PCDHA1: variants seen among roughly 807,000 people sequenced by gnomAD.
The protein encoded by PCDHA1 is protocadherin alpha 1.
A neutral mutation model predicts 61.3 loss-of-function variants in PCDHA1; 42 were observed. The observed-to-expected ratio is 0.69, with a 90% confidence interval of 0.54 to 0.89. The LOEUF (loss-of-function observed/expected upper bound fraction) is 0.89. Ranked by LOEUF, PCDHA1 falls within the 40% of genes least tolerant of loss-of-function variation. The probability of loss-of-function intolerance (pLI) is 0.00; values close to 1 mark genes in which losing one functional copy is unlikely to be tolerated. For synonymous variants in PCDHA1, 610 were observed against 553.8 expected, an observed-to-expected ratio of 1.10 and a Z score of -1.43; for missense variants, 1,256 against 1,235.3, an observed-to-expected ratio of 1.02 and a Z score of -0.25.
rs1440009442 is a variant in PCDHA1, at chr5:140,964,448, A to G, written c.2395-14501A>G. Among the ~76,000 whole-genome samples the G allele has an allele frequency of 3.3e-5, 5 of 152,212 alleles. No homozygotes were observed. The South Asian group carries it at 8.3e-4, about 25-fold the overall frequency. On this transcript the variant is annotated intron_variant, in intron 1 of 3. Transcript: ENST00000504120. ...AAAATTACCAAGCCTCTGCCACTGT[A>G]ATCTCTTCCTTAAGTGCCTATGATT...
chr5:140,822,417 T>G lies in PCDHA1; in HGVS notation c.2394+33733T>G, dbSNP rs17844289. On this transcript the variant is annotated intron_variant, in intron 1 of 3. Transcript: ENST00000504120. Reference sequence around the variant, plus strand: ...AACACCGTTTATTAGTGATTGCAACTGATGGAGGAAAACCCGAACTAACAG... The same window carrying G: ...AACACCGTTTATTAGTGATTGCAACGGATGGAGGAAAACCCGAACTAACAG... 216 of 1,614,062 alleles carry G rather than the reference T, an allele frequency of 1.3e-4. 3 individuals carry two copies. The East Asian group carries it at 4.7e-3, about 35-fold the overall frequency.
intron 1 of PCDHA1, chr5:140,876,999 G>C: frequency 6.2e-7 from 1 of 1,612,546 alleles, no homozygotes; most frequent in Non-Finnish European, 8.5e-7. Flanking sequence ...GCTACGTGTC[G>C]GTGCACGCGG....
At chr5:140,802,410 T>C (rs1554122105) in intron 1 of PCDHA1, 1 of 1,614,228 alleles carries the variant, frequency 6.2e-7, no homozygotes, top group Non-Finnish European at 8.5e-7. Context: ...CAAGAATTAC[T>C]ACTCATTGGT....
chr5:140,966,928 C>T (rs782034487), intron 1 of PCDHA1: 1 of 1,603,332 alleles, frequency 6.2e-7, no homozygotes, highest in South Asian at 1.1e-5. Context: ...AGCAGGCACC[C>T]GGCGCGCTCG....
At chr5:140,979,257 C>T (rs1454477008) in intron 2 of PCDHA1, among the ~76,000 whole-genome samples, 1 of 152,194 alleles carries the variant, frequency 6.6e-6, no homozygotes, top group Non-Finnish European at 1.5e-5. Flanking sequence ...TATGTATTTT[C>T]TCCCATCAAA....
intron 1 of PCDHA1, among the ~76,000 whole-genome samples, chr5:140,831,552 G>T (rs2150196212): frequency 7.2e-6 from 1 of 139,216 alleles, no homozygotes; most frequent in Non-Finnish European, 1.5e-5. Flanking sequence ...TTTAAGAGAT[G>T]GGGTTTCTCC....
intron 1 of PCDHA1, chr5:140,883,969 G>T (rs1398092888): frequency 5.6e-6 from 9 of 1,612,844 alleles, no homozygotes; most frequent in Non-Finnish European, 7.6e-6. Flanking sequence ...CGCTGCTGAC[G>T]CCCGGGGCTG....
intron 1 of PCDHA1, chr5:140,805,770 T>C (rs1489324802): frequency 9.7e-6 from 2 of 206,952 alleles, no homozygotes; most frequent in African/African-American, 4.7e-5. Context: ...ATTGGGGAAA[T>C]GTCTAGAGAC....
chr5:140,858,347 C>T lies in PCDHA1; in HGVS notation c.2394+69663C>T. ...TGGGGAGGGCCTGCCCAAGGCGGAC[C>T]TCATGGCCTTCAGCCCCAGCCTTCC... On this transcript the variant is annotated intron_variant, in intron 1 of 3. Transcript: ENST00000504120. 3 of 1,594,932 alleles carry T rather than the reference C, an allele frequency of 1.9e-6. No individual in the cohort carries two copies. The East Asian group carries it at 6.7e-5, about 36-fold the overall frequency.
chr5:140,853,458 T>C (rs17119248), intron 1 of PCDHA1: 56,285 of 974,400 alleles, frequency 0.058, 6,090 homozygotes, highest in Middle Eastern at 0.078. Context: ...GGTCTCCTTA[T>C]ATGCATCTGT....
At chr5:140,806,343 G>T (rs1763720284) in intron 1 of PCDHA1, among the ~76,000 whole-genome samples, 1 of 152,200 alleles carries the variant, frequency 6.6e-6, no homozygotes, top group Admixed American at 6.5e-5. Flanking sequence ...GAACAAGCAA[G>T]TACTTATAAA....
rs782749349 is a variant in PCDHA1, at chr5:140,796,625, T to C, written c.2394+7941T>C. 1.4e-5 allele frequency: 23 copies of C among 1,609,150 alleles called. No homozygotes were observed. The highest frequency in any genetic ancestry group is 1.7e-5 in the Non-Finnish European group (20 of 1,178,636). ...GGCAGCAACGTGACGCTGCAGGTGT[T>C]CGTGCTGGACGAGAACGACAACGCG... On this transcript the variant is annotated intron_variant, in intron 1 of 3. Coordinates refer to ENST00000504120, the MANE Select transcript of PCDHA1 (RefSeq NM_018900.4).
intron 1 of PCDHA1, among the ~76,000 whole-genome samples, chr5:140,839,745 C>T (rs1414249750): frequency 6.6e-6 from 1 of 151,938 alleles, no homozygotes; most frequent in Non-Finnish European, 1.5e-5. Flanking sequence ...CCCTTATTTG[C>T]CTTTCCTATT....
chr5:140,994,568 G>T (rs1240135648), intron 3 of PCDHA1, among the ~76,000 whole-genome samples: 1 of 151,992 alleles, frequency 6.6e-6, no homozygotes, highest in Non-Finnish European at 1.5e-5. Context: ...AGCCGGGTGT[G>T]GTGGCATGCA....
chr5:140,787,992 C>T lies in PCDHA1; in HGVS notation c.1702C>T (p.Pro568Ser). The T allele has an allele frequency of 8.1e-6, 13 of 1,613,996 alleles. No individual in the cohort carries two copies. The highest frequency in any genetic ancestry group is 1.1e-5 in the Non-Finnish European group (13 of 1,179,898). ...CGACAACGCGCCGGCGCTGCTGGCGCCTCGAGTGGGTGGCACTATTGGTGC... is the reference window on the plus strand; with the variant it reads ...CGACAACGCGCCGGCGCTGCTGGCGTCTCGAGTGGGTGGCACTATTGGTGC... ...ENDNAPALLAPRVGGTIGAVS... is the reference protein window; with the variant it reads ...ENDNAPALLASRVGGTIGAVS... Residue 568 changes from proline (P) to serine (S), a missense_variant, in exon 1 of 4, where the codon CCT (proline) becomes TCT (serine). By Grantham distance (74) the Pro-to-Ser change is moderately conservative. Transcript: ENST00000504120.
In PCDHA1 at chr5:140,967,564, A is replaced by G. The variant is rs1554229677; in HGVS notation, c.2395-11385A>G. Reference sequence around the variant, plus strand: ...ACCAGTCCACTTATCGCGTCCAGCTACGGGAGGACTCACCCCCAGGCACAT... The same window carrying G: ...ACCAGTCCACTTATCGCGTCCAGCTGCGGGAGGACTCACCCCCAGGCACAT... On this transcript the variant is annotated intron_variant, in intron 1 of 3. Coordinates refer to ENST00000504120, the MANE Select transcript of PCDHA1 (RefSeq NM_018900.4). 10 of 1,614,070 alleles carry G rather than the reference A, an allele frequency of 6.2e-6. No individual in the cohort carries two copies. The Middle Eastern group carries it at 4.9e-4, about 80-fold the overall frequency.
chr5:140,883,352 G>T (rs1554177776), intron 1 of PCDHA1: 1 of 1,614,164 alleles, frequency 6.2e-7, no homozygotes, highest in South Asian at 1.1e-5. Flanking sequence ...CATCAGAGAA[G>T]ACACTCAGCC....
rs782441014 is a variant in PCDHA1 at position 140,870,020 on chromosome 5, C to T, written c.2394+81336C>T. On this transcript the variant is annotated intron_variant, in intron 1 of 3. Transcript: ENST00000504120. ...AATGGAGAAGTGAGGGTCAATGGAACTTTAGATTATGAAGAAAACAAGTTT... is the reference window on the plus strand; with the variant it reads ...AATGGAGAAGTGAGGGTCAATGGAATTTTAGATTATGAAGAAAACAAGTTT... The T allele has an allele frequency of 1.9e-6, 3 of 1,613,394 alleles. No individual in the cohort carries two copies. The highest frequency in any genetic ancestry group is 2.7e-5 in the African/African-American group (2 of 74,862).
chr5:140,846,559 A>G (rs1780557744), intron 1 of PCDHA1, among the ~76,000 whole-genome samples: 1 of 147,840 alleles, frequency 6.8e-6, no homozygotes, highest in South Asian at 2.1e-4. Context: ...TATTTTTAGT[A>G]GAGTCGGGGT....
Sources: allele counts gnomAD v4.1 joint callset (sites outside exome capture counted in the v4.1 genomes callset), GRCh38; gene constraint gnomAD v4.1.1; transcripts MANE v1.5; gene names NCBI Gene and HGNC (gene_info 2026-07-23, HGNC 2026-07-21).